The following RIMKLA variants were observed in gnomAD, a reference collection of about 807,000 sequenced individuals.
RIMKLA encodes the protein N-acetylaspartylglutamate synthase A.
Under a neutral mutation model 32.7 loss-of-function variants are expected in RIMKLA, and 14 were observed. The observed-to-expected ratio is 0.43, with a 90% CI of 0.28 to 0.67. RIMKLA has a LOEUF of 0.67. Among genes scored for constraint, RIMKLA ranks in the 30% least tolerant of loss-of-function variants. The probability of loss-of-function intolerance (pLI) is 0.18; values close to 1 mark genes in which losing one functional copy is unlikely to be tolerated. For missense variants in RIMKLA, 410 were observed against 519.0 expected, an observed-to-expected ratio of 0.79 and a Z score of 2.04; for synonymous variants, 176 against 204.1, an observed-to-expected ratio of 0.86 and a Z score of 1.18.
At chr1:42,404,727 T>G in intron 3 of RIMKLA, 130 bp downstream of exon 3, 1 of 621,030 alleles carries the variant, frequency 1.6e-6, no homozygotes, top group Admixed American at 2.8e-5. Context: ...CAGTGTTTCT[T>G]TCTCTTTGTC....
intron 2 of RIMKLA, among the ~76,000 whole-genome samples, chr1:42,403,848 T>C (rs1342573941): frequency 6.6e-6 from 1 of 152,206 alleles, no homozygotes; most frequent in African/African-American, 2.4e-5. Flanking sequence ...TGGGGTCTTC[T>C]TCCAAGCTGC....
In RIMKLA at chr1:42,418,100, G is replaced by A. The variant is rs1031301509; in HGVS notation, c.*3126G>A. The A allele has an allele frequency of 6.6e-6, 1 of 152,158 alleles. No homozygotes were observed. Among genetic ancestry groups the A allele is most frequent in the Non-Finnish European group, 1.5e-5 (1 of 68,040 alleles). The allele number at this position is 152,158 out of a possible 1,614,324, so 9.4% of individuals were successfully genotyped here. ...TGTGTATTCAGACAGCCTTCTGGAT[G>A]TATCGTATATAACCTGAAACTCTCC... On this transcript the variant is annotated 3_prime_UTR_variant, in exon 5 of 5. Transcript: ENST00000431473.
chr1:42,410,452 C>T (rs928417326), intron 4 of RIMKLA, among the ~76,000 whole-genome samples: 1 of 152,060 alleles, frequency 6.6e-6, no homozygotes. Flanking sequence ...AAGGGAGTGA[C>T]ATGAGGACCA....
chr1:42,410,642 TATG>T (rs1366250210), intron 4 of RIMKLA, among the ~76,000 whole-genome samples: 1 of 152,226 alleles, frequency 6.6e-6, no homozygotes, highest in African/African-American at 2.4e-5. Flanking sequence ...TTCCTTTTTG[TATG>T]ATGTTATTAG....
intron 1 of RIMKLA, among the ~76,000 whole-genome samples, chr1:42,385,961 A>T (rs1471577453): frequency 2.8e-5 from 4 of 144,674 alleles, no homozygotes; most frequent in Non-Finnish European, 6.0e-5. Flanking sequence ...TCACTCTGTC[A>T]CCCAGGCTGG....
chr1:42,385,862 C>CT lies in RIMKLA; in HGVS notation c.163+4768dup, dbSNP rs1208009351. On this transcript the variant is annotated intron_variant, in intron 1 of 4. Coordinates refer to ENST00000431473, the MANE Select transcript of RIMKLA (RefSeq NM_173642.4). ...TTTCTTTCTCTTTCTTTCTTTCTTT[C>CT]TTTCTTTCTTTCTTTCTTTCTTTCT... Among the ~76,000 whole-genome samples the CT allele has an allele frequency of 2.8e-5, 2 of 70,650 alleles. 1 individual carries two copies. Among genetic ancestry groups the CT allele is most frequent in the Non-Finnish European group, 6.1e-5 (2 of 32,936 alleles). The allele number at this position is 70,650 out of a possible 152,430, so 46.3% of individuals were successfully genotyped here. A position where few individuals can be genotyped will look rare whatever the true frequency, so the allele number is the denominator to read the frequency against.
chr1:42,384,541 GTATA>G (rs565501394), intron 1 of RIMKLA, among the ~76,000 whole-genome samples: 1 of 137,462 alleles, frequency 7.3e-6, no homozygotes, highest in Non-Finnish European at 1.6e-5. Flanking sequence ...ACATATATAT[GTATA>G]TATATGTGTG....
At chr1:42,412,577 C>A in intron 4 of RIMKLA, 1 of 502,746 alleles carries the variant, frequency 2.0e-6, no homozygotes, top group South Asian at 1.4e-5. Context: ...TGGGGCTGTT[C>A]ACTCCCCACT....
chr1:42,401,139 C>A (rs1643093615), intron 2 of RIMKLA, among the ~76,000 whole-genome samples: 1 of 152,082 alleles, frequency 6.6e-6, no homozygotes, highest in Non-Finnish European at 1.5e-5. Context: ...GGTGCACAAC[C>A]TAGATCCCCC....
At chr1:42,395,968 C>T (rs1484363079) in intron 1 of RIMKLA, among the ~76,000 whole-genome samples, 2 of 152,116 alleles carry the variant, frequency 1.3e-5, no homozygotes, top group Admixed American at 1.3e-4. Flanking sequence ...GCGCTGGGGG[C>T]GGTGGCTCAC....
Position 42,415,841 on chromosome 1 carries a change from T to C in RIMKLA, c.*867T>C, listed in dbSNP as rs1643241852. 6.6e-6 allele frequency: 1 copy of C among 152,220 alleles called. No individual in the cohort carries two copies. The highest frequency in any genetic ancestry group is 6.5e-5 in the Admixed American group (1 of 15,280). 9.4% of individuals were successfully genotyped at this position (152,220 alleles called of 1,614,324 possible). A position where few individuals can be genotyped will look rare whatever the true frequency, so the allele number is the denominator to read the frequency against. On this transcript the variant is annotated 3_prime_UTR_variant, in exon 5 of 5. Transcript: ENST00000431473. The stretch of plus-strand genomic sequence containing the variant: ...TGTCATCCAGAAGCCAGTGGGTTTT[T>C]ACCATAGAAAGCTACTTGGAGATCA...
intron 1 of RIMKLA, 26 bp downstream of exon 1, chr1:42,381,123 C>G: frequency 1.1e-5 from 14 of 1,243,154 alleles, no homozygotes; most frequent in Non-Finnish European, 1.4e-5. Flanking sequence ...CCGGGGAGGG[C>G]AGGGAGGCGC....
Position 42,410,076 on chromosome 1 carries a change from G to A in RIMKLA, c.574G>A (p.Val192Met), listed in dbSNP as rs746132310. 36 of 1,614,054 alleles carry A rather than the reference G, an allele frequency of 2.2e-5. No individual in the cohort carries two copies. In the Middle Eastern group the frequency reaches 4.9e-4, roughly 22 times the overall value. Residue 192 changes from valine (V) to methionine (M), a missense_variant, in exon 4 of 5, where the codon GTG becomes ATG. Physicochemically the swap from Val to Met is conservative, Grantham distance 21 (BLOSUM62 1). Coordinates refer to ENST00000431473, the MANE Select transcript of RIMKLA (RefSeq NM_173642.4). ...HDVPYLFQKY[V>M]KESHGKDIRV... Reference sequence around the variant, plus strand: ...TGTGCCCTACCTGTTCCAGAAGTACGTGAAGGAGTCCCATGGAAAGGACAT... The same window carrying A: ...TGTGCCCTACCTGTTCCAGAAGTACATGAAGGAGTCCCATGGAAAGGACAT...
Position 42,414,705 on chromosome 1 carries a change from C to T in RIMKLA, c.907C>T (p.Leu303=). 6 of 1,614,212 alleles carry T rather than the reference C, an allele frequency of 3.7e-6. No individual in the cohort carries two copies. Among genetic ancestry groups the T allele is most frequent in the East Asian group, 4.5e-5 (2 of 44,884 alleles). Residue 303 remains leucine, a synonymous_variant, in exon 5 of 5, where the codon CTG becomes TTG. Coordinates refer to ENST00000431473, the MANE Select transcript of RIMKLA (RefSeq NM_173642.4). ...CATTGCAGACTATACCATGTCCTTG[C>T]TGCCAAATAGGCAGACTGGAAAGAT... ...GIIADYTMSL[L]PNRQTGKMAV...
chr1:42,381,159 G>T, intron 1 of RIMKLA, 62 bp downstream of exon 1: 1 of 1,206,524 alleles, frequency 8.3e-7, no homozygotes, highest in Non-Finnish European at 1.0e-6. Context: ...AGCCGGTCGG[G>T]TGGGCGCGCT....
At chr1:42,387,050 CAGTG>C (rs1256092994) in intron 1 of RIMKLA, among the ~76,000 whole-genome samples, 1 of 150,136 alleles carries the variant, frequency 6.7e-6, no homozygotes, top group Non-Finnish European at 1.5e-5. Context: ...CTGGGCAACA[CAGTG>C]AGACTCCATC....
intron 1 of RIMKLA, among the ~76,000 whole-genome samples, chr1:42,389,663 AT>A (rs1236938849): frequency 6.6e-6 from 1 of 152,058 alleles, no homozygotes; most frequent in Non-Finnish European, 1.5e-5. Context: ...AAATAAAAAA[AT>A]TTAGCCGGGC....
intron 1 of RIMKLA, 74 bp downstream of exon 1, chr1:42,381,171 G>C (rs1412588244): frequency 8.8e-7 from 1 of 1,136,854 alleles, no homozygotes; most frequent in South Asian, 3.7e-5. Context: ...GGGCGCGCTC[G>C]CCGGGCCTCC....
At position 42,409,201 on chromosome 1, in the gene RIMKLA, C is replaced by CAAAAAAAAA. The variant is rs59543497; in HGVS notation, c.482-761_482-753dup. ...TGGGTGACAGAGCGAGACTCTGTCT[C>CAAAAAAAAA]AAAAAAAAAAAAAAAAAAAAAAAAA... On this transcript the variant is annotated intron_variant, in intron 3 of 4. Coordinates refer to ENST00000431473, the MANE Select transcript of RIMKLA (RefSeq NM_173642.4). Among the ~76,000 whole-genome samples, 64 of 64,504 alleles carry CAAAAAAAAA rather than the reference C, an allele frequency of 9.9e-4. 1 individual carries two copies. The highest frequency in any genetic ancestry group is 3.3e-3 in the African/African-American group (49 of 14,852). The allele number at this position is 64,504 out of a possible 152,430, so 42.3% of individuals were successfully genotyped here.
Sources: gnomAD v4.1 joint callset for allele counts (sites outside exome capture counted in the v4.1 genomes callset) on GRCh38, gnomAD v4.1.1 for gene constraint, MANE v1.5 for transcripts, NCBI Gene and HGNC (gene_info 2026-07-23, HGNC 2026-07-21) for gene names.